STRN: variants seen among roughly 807,000 people sequenced by gnomAD.
STRN encodes the protein protein phosphatase 2 regulatory subunit B'''alpha.
In STRN, 53 loss-of-function variants were observed where a neutral mutation model predicts 96.3. The ratio of observed to expected loss-of-function variants is 0.55; its 90% CI spans 0.44 to 0.69. The LOEUF (loss-of-function observed/expected upper bound fraction) is 0.69. STRN is among the 30% of genes least tolerant of loss of function. The pLI, the probability that STRN is intolerant of heterozygous loss-of-function variation, is 0.00. For synonymous variants in STRN, 428 were observed against 355.9 expected (o/e 1.20, Z -2.28); for missense variants, 987 against 963.9 (o/e 1.02, Z -0.32).
intron 13 of STRN, among the ~76,000 whole-genome samples, chr2:36,859,206 G>C (rs1224057419): frequency 4.6e-5 from 7 of 152,168 alleles, no homozygotes; most frequent in Admixed American, 3.3e-4. Flanking sequence ...GCAGGATCAA[G>C]TATGTATTTA....
chr2:36,916,470 A>T (rs1171828100), intron 2 of STRN, among the ~76,000 whole-genome samples: 1 of 152,038 alleles, frequency 6.6e-6, no homozygotes, highest in Admixed American at 6.6e-5. Flanking sequence ...TGATTGCCAA[A>T]GCTAAATTTT....
chr2:36,935,702 AAT>A (rs1349682569), intron 1 of STRN, among the ~76,000 whole-genome samples: 1 of 152,246 alleles, frequency 6.6e-6, no homozygotes, highest in East Asian at 1.9e-4. Context: ...GCTAAATAAA[AAT>A]AGACTCAACT....
At chr2:36,877,422 A>G (rs1668942893) in intron 10 of STRN, among the ~76,000 whole-genome samples, 1 of 152,236 alleles carries the variant, frequency 6.6e-6, no homozygotes, top group Admixed American at 6.5e-5. Context: ...GGTTATGGAA[A>G]AATGTTAGTT....
At chr2:36,934,221 A>G (rs1320271383) in intron 1 of STRN, among the ~76,000 whole-genome samples, 2 of 152,260 alleles carry the variant, frequency 1.3e-5, no homozygotes, top group Admixed American at 1.3e-4. Flanking sequence ...GAAAAAGAAC[A>G]GAAATGTTCT....
chr2:36,963,432 T>C (rs565395414), intron 1 of STRN, among the ~76,000 whole-genome samples: 25 of 152,316 alleles, frequency 1.6e-4, no homozygotes. Flanking sequence ...TACTTCCTAT[T>C]GTGTTTCTAA....
chr2:36,865,851 C>T (rs1357142284), intron 12 of STRN, among the ~76,000 whole-genome samples: 3 of 152,222 alleles, frequency 2.0e-5, no homozygotes, highest in East Asian at 3.9e-4. Context: ...TGAGCCACTG[C>T]ACTGGCCGAG....
Position 36,844,889 on chromosome 2 carries a change from A to G in STRN, c.*4567T>C, listed in dbSNP as rs1668031314. 1 of 152,134 alleles carries G rather than the reference A, an allele frequency of 6.6e-6. No individual in the cohort carries two copies. Among genetic ancestry groups the G allele is most frequent in the African/African-American group, 2.4e-5 (1 of 41,436 alleles). 9.4% of individuals were successfully genotyped at this position (152,134 alleles called of 1,614,324 possible). A position where few individuals can be genotyped will look rare whatever the true frequency, so the allele number is the denominator to read the frequency against. ...ACGTTTTTCTGGGCCTTTCTCTAAA[A>G]TGAACTTTAGGGCTTGATACATTTC... On this transcript the variant is annotated 3_prime_UTR_variant, in exon 18 of 18. Transcript: ENST00000263918.
At chr2:36,910,228 T>C (rs1286026343) in intron 3 of STRN, among the ~76,000 whole-genome samples, 1 of 150,646 alleles carries the variant, frequency 6.6e-6, no homozygotes, top group Non-Finnish European at 1.5e-5. Flanking sequence ...CAAAAATTCA[T>C]TACTTGCATT....
In STRN at chr2:36,926,587, C is replaced by T. The variant is rs553577293; in HGVS notation, c.235-1379G>A. On this transcript the variant is annotated intron_variant, in intron 1 of 17. Coordinates refer to ENST00000263918, the MANE Select transcript of STRN (RefSeq NM_003162.4). ...CTCATTCAAGCTTAGTTTGAATGAG[C>T]TTTGTTCCTATTCAGTACCACAAGA... Among the ~76,000 whole-genome samples the T allele has an allele frequency of 1.8e-4, 28 of 152,314 alleles. No individual in the cohort carries two copies. In the East Asian group the frequency reaches 4.2e-3, roughly 23 times the overall value.
chr2:36,860,319 G>T (rs1668444205), intron 13 of STRN, among the ~76,000 whole-genome samples: 1 of 152,164 alleles, frequency 6.6e-6, no homozygotes, highest in South Asian at 2.1e-4. Context: ...AGAGGTAAAG[G>T]AAGTAAGGAA....
chr2:36,918,097 T>A (rs1670157373), intron 2 of STRN, among the ~76,000 whole-genome samples: 1 of 152,182 alleles, frequency 6.6e-6, no homozygotes, highest in African/African-American at 2.4e-5. Flanking sequence ...TAATTTTTAG[T>A]AAATATGTTT....
intron 12 of STRN, among the ~76,000 whole-genome samples, chr2:36,864,721 T>C (rs1343804301): frequency 6.6e-6 from 1 of 152,184 alleles, no homozygotes. Context: ...TTATTATTTA[T>C]TTTTGAGATG....
intron 16 of STRN, among the ~76,000 whole-genome samples, chr2:36,850,243 T>A (rs75405567): frequency 6.6e-6 from 1 of 152,050 alleles, no homozygotes; most frequent in African/African-American, 2.4e-5. Flanking sequence ...GGATACAACA[T>A]ACAGAAAAAA....
chr2:36,852,708 G>C (rs778808728), intron 15 of STRN, among the ~76,000 whole-genome samples: 63 of 152,054 alleles, frequency 4.1e-4, no homozygotes, highest in Admixed American at 8.5e-4. Flanking sequence ...CCTAGAATAG[G>C]TATTACAAGT....
intron 5 of STRN, among the ~76,000 whole-genome samples, chr2:36,902,329 T>A (rs1391510193): frequency 1.3e-5 from 2 of 152,174 alleles, no homozygotes; most frequent in Non-Finnish European, 2.9e-5. Flanking sequence ...AAGTTTTATT[T>A]ACTGATTAAG....
chr2:36,907,178 A>G (rs565959211), intron 3 of STRN, among the ~76,000 whole-genome samples: 1 of 152,336 alleles, frequency 6.6e-6, no homozygotes, highest in Non-Finnish European at 1.5e-5. Context: ...ACTCTAAAAA[A>G]CTGCTGATCT....
rs1410252755 is a variant in STRN, at chr2:36,845,062, TTA to T, written c.*4392_*4393del. Reference sequence around the variant, plus strand: ...ACTTCTGAGTAAATAAAATGAATGATTATGTACTTAATAGCCTTGTAGTCACT... The same window carrying T: ...ACTTCTGAGTAAATAAAATGAATGATTGTACTTAATAGCCTTGTAGTCACT... On this transcript the variant is annotated 3_prime_UTR_variant, in exon 18 of 18. Transcript: ENST00000263918. The T allele has an allele frequency of 7.9e-5, 12 of 152,100 alleles. 1 individual carries two copies. The highest frequency in any genetic ancestry group is 5.2e-4 in the Admixed American group (8 of 15,246). 9.4% of individuals were successfully genotyped at this position (152,100 alleles called of 1,614,324 possible).
chr2:36,857,667 AC>A, intron 14 of STRN, among the ~76,000 whole-genome samples, 188 bp downstream of exon 14: 1 of 147,576 alleles, frequency 6.8e-6, no homozygotes, highest in Non-Finnish European at 1.5e-5. Context: ...CTCAAAAAAA[AC>A]AAAACAAAAC....
chr2:36,868,505 A>C (rs537165353), intron 11 of STRN, among the ~76,000 whole-genome samples: 11 of 152,320 alleles, frequency 7.2e-5, no homozygotes, highest in African/African-American at 2.6e-4. Flanking sequence ...CTTTGATGGA[A>C]ACTGGATTTA....
Sources: gnomAD v4.1 joint callset for allele counts (sites outside exome capture counted in the v4.1 genomes callset) on GRCh38, gnomAD v4.1.1 for gene constraint, MANE v1.5 for transcripts, NCBI Gene and HGNC (gene_info 2026-07-23, HGNC 2026-07-21) for gene names.